Variants in SEPTIN9 observed in about 807,000 individuals in gnomAD.
The protein encoded by SEPTIN9 is septin 9.
SEPTIN9 carries 13 observed loss-of-function variants against 56.6 expected under a neutral mutation model. The ratio of observed to expected loss-of-function variants is 0.23; its 90% confidence interval spans 0.15 to 0.37. The LOEUF is 0.37. SEPTIN9 is among the 10% of genes least tolerant of loss of function. The pLI is 1.00. For synonymous variants in SEPTIN9, 332 were observed against 334.1 expected (o/e 0.99, Z 0.07); for missense variants, 650 against 823.1 (o/e 0.79, Z 2.57).
intron 3 of SEPTIN9, among the ~76,000 whole-genome samples, chr17:77,480,575 G>A (rs1296764165): frequency 6.6e-6 from 1 of 152,222 alleles, no homozygotes; most frequent in Non-Finnish European, 1.5e-5. Flanking sequence ...GGCCGGGAGG[G>A]CTGCCTCCTG....
At chr17:77,460,746 A>G (rs2038434831) in intron 3 of SEPTIN9, among the ~76,000 whole-genome samples, 1 of 152,108 alleles carries the variant, frequency 6.6e-6, no homozygotes. Flanking sequence ...CAGGGTCCTC[A>G]CTGCTGCCGC....
chr17:77,324,322 C>T (rs963751536), intron 2 of SEPTIN9, among the ~76,000 whole-genome samples: 3 of 152,244 alleles, frequency 2.0e-5, no homozygotes, highest in African/African-American at 7.2e-5. Flanking sequence ...GGCCACCTTT[C>T]ATCCCCCTGT....
rs79652993 is a variant in SEPTIN9 at position 77,452,701 on chromosome 17, C to T, written c.722-29443C>T. 7.2e-3 allele frequency among the ~76,000 whole-genome samples: 1,096 copies of T among 152,014 alleles called. 9 individuals are homozygous for T. The highest frequency in any genetic ancestry group is 0.03 in the South Asian group (143 of 4,804). On this transcript the variant is annotated intron_variant, in intron 3 of 11. Coordinates refer to ENST00000427177, the MANE Select transcript of SEPTIN9 (RefSeq NM_001113491.2). ...TGGAAGAGGAGGAAGCAGAAAAAGG[C>T]CCCATTCCCTAATAATGCTGTGGGT...
chr17:77,398,190 G>A (rs2144077313), intron 2 of SEPTIN9, among the ~76,000 whole-genome samples: 1 of 151,680 alleles, frequency 6.6e-6, no homozygotes, highest in South Asian at 2.1e-4. Context: ...GCCCAGGTTT[G>A]TCTTGAACTC....
At chr17:77,480,057 G>T (rs969527138) in intron 3 of SEPTIN9, among the ~76,000 whole-genome samples, 1 of 152,192 alleles carries the variant, frequency 6.6e-6, no homozygotes, top group African/African-American at 2.4e-5. Flanking sequence ...AGGCTTCCAG[G>T]CTGCGTGGCC....
At chr17:77,301,703 G>A (rs568146608) in intron 1 of SEPTIN9, among the ~76,000 whole-genome samples, 41 of 152,270 alleles carry the variant, frequency 2.7e-4, no homozygotes, top group African/African-American at 8.7e-4. Flanking sequence ...CTGAGCCACC[G>A]TGCCCGGCCA....
intron 3 of SEPTIN9, among the ~76,000 whole-genome samples, chr17:77,460,980 CCCAGTCTGT>C (rs2038447536): frequency 6.6e-6 from 1 of 152,096 alleles, no homozygotes; most frequent in Admixed American, 6.5e-5. Flanking sequence ...CTTAGCAGAT[CCCAGTCTGT>C]GTTACCCAGG....
rs554547946 is a variant in SEPTIN9 at position 77,449,209 on chromosome 17, T to A, written c.722-32935T>A. ...AGGCTCTGGGGCTGCTCTACCTGAATGCTGAGTGTGTGCTGAGCGGTAGAG... is the reference window on the plus strand; with the variant it reads ...AGGCTCTGGGGCTGCTCTACCTGAAAGCTGAGTGTGTGCTGAGCGGTAGAG... On this transcript the variant is annotated intron_variant, in intron 3 of 11. Coordinates refer to ENST00000427177, the MANE Select transcript of SEPTIN9 (RefSeq NM_001113491.2). The surrounding 1 kb of genome is among the most constrained non-coding windows in gnomAD (Gnocchi z 4.6). Among the ~76,000 whole-genome samples, 6 of 152,302 alleles carry A rather than the reference T, an allele frequency of 3.9e-5. No homozygotes were observed. In the South Asian group the frequency reaches 1.2e-3, roughly 32 times the overall value.
intron 2 of SEPTIN9, among the ~76,000 whole-genome samples, chr17:77,362,281 A>T (rs2034443026): frequency 6.6e-6 from 1 of 152,190 alleles, no homozygotes; most frequent in Non-Finnish European, 1.5e-5. Context: ...GGGACAAGCC[A>T]CAGAGACTCA....
At chr17:77,349,428 T>G (rs1475956344) in intron 2 of SEPTIN9, among the ~76,000 whole-genome samples, 2 of 152,192 alleles carry the variant, frequency 1.3e-5, no homozygotes, top group South Asian at 4.1e-4. Flanking sequence ...GCTGTCATTC[T>G]TGAACCATAA....
Position 77,331,511 on chromosome 17 carries a change from G to A in SEPTIN9, c.76+24314G>A, listed in dbSNP as rs561477911. ...CCCCGAGATTGCAGAGAGGGGACCCGCCCAGCCTGGGCAGGGAGGCGGGTG... is the reference window on the plus strand; with the variant it reads ...CCCCGAGATTGCAGAGAGGGGACCCACCCAGCCTGGGCAGGGAGGCGGGTG... On this transcript the variant is annotated intron_variant, in intron 2 of 11. Coordinates refer to ENST00000427177, the MANE Select transcript of SEPTIN9 (RefSeq NM_001113491.2). Among the ~76,000 whole-genome samples, 12 of 152,340 alleles carry A rather than the reference G, an allele frequency of 7.9e-5. No homozygotes were observed. The East Asian group carries it at 1.7e-3, about 22-fold the overall frequency.
Position 77,451,302 on chromosome 17 carries a change from C to T in SEPTIN9, c.722-30842C>T, listed in dbSNP as rs554000362. The T allele has an allele frequency of 5.8e-4, 538 of 930,284 alleles. 6 individuals are homozygous for T. In the African/African-American group the frequency reaches 7.8e-3, roughly 13 times the overall value. 57.6% of individuals were successfully genotyped at this position (930,284 alleles called of 1,614,324 possible). A position where few individuals can be genotyped will look rare whatever the true frequency, so the allele number is the denominator to read the frequency against. On this transcript the variant is annotated intron_variant, in intron 3 of 11. Transcript: ENST00000427177. This position sits in a 1 kb window ranked among gnomAD's most constrained non-coding sequence, Gnocchi z 4.2. ...GCTGGGCGCCCCTATCTCTGCCTGCCCCCTCCTCCTGCTCCCCTCGCCCTG... is the reference window on the plus strand; with the variant it reads ...GCTGGGCGCCCCTATCTCTGCCTGCTCCCTCCTCCTGCTCCCCTCGCCCTG...
intron 2 of SEPTIN9, chr17:77,375,310 T>G (rs1272300419): frequency 2.6e-5 from 4 of 152,254 alleles, no homozygotes; most frequent in Non-Finnish European, 5.9e-5. Context: ...AGAGCTCTCC[T>G]CCTGCCTGCG....
chr17:77,477,734 A>C (rs1443364230), intron 3 of SEPTIN9, among the ~76,000 whole-genome samples: 1 of 152,176 alleles, frequency 6.6e-6, no homozygotes, highest in Non-Finnish European at 1.5e-5. Flanking sequence ...TTTGAGCCAG[A>C]AACCAGAGCC....
intron 2 of SEPTIN9, chr17:77,377,061 A>G (rs2034953063): frequency 2.0e-5 from 3 of 152,248 alleles, no homozygotes; most frequent in Admixed American, 2.0e-4. Context: ...CATGGACTCA[A>G]ACTTCCCGCA....
In SEPTIN9 at chr17:77,488,681, G is replaced by T. The variant is rs374853037; in HGVS notation, c.1125-46G>T. On this transcript the variant is annotated intron_variant, in intron 6 of 11. Coordinates refer to ENST00000427177, the MANE Select transcript of SEPTIN9 (RefSeq NM_001113491.2). ...CCTGGGAATGCACGACCTGCTTGGG[G>T]AGGGCATCTCATGTGCCTGCTGACT... The T allele has an allele frequency of 3.1e-6, 5 of 1,611,620 alleles. No individual in the cohort carries two copies. The African/African-American group carries it at 4.0e-5, about 13-fold the overall frequency.
intron 1 of SEPTIN9, among the ~76,000 whole-genome samples, chr17:77,303,463 C>G (rs373426777): frequency 6.6e-6 from 1 of 151,054 alleles, no homozygotes; most frequent in Admixed American, 6.6e-5. Flanking sequence ...GCCTGTAATC[C>G]GAACACTTTG....
At chr17:77,382,781 G>C (rs1384407533) in intron 2 of SEPTIN9, among the ~76,000 whole-genome samples, 1 of 152,164 alleles carries the variant, frequency 6.6e-6, no homozygotes, top group Non-Finnish European at 1.5e-5. Context: ...TCCTTCATTC[G>C]CACCTTTGCA....
rs2040399589 is a variant in SEPTIN9, at chr17:77,499,032, C to T, written c.*374C>T. 1 of 538,860 alleles carries T rather than the reference C, an allele frequency of 1.9e-6. No individual in the cohort carries two copies. The highest frequency in any genetic ancestry group is 3.6e-6 in the Non-Finnish European group (1 of 278,296). 33.4% of individuals were successfully genotyped at this position (538,860 alleles called of 1,614,324 possible). The stretch of plus-strand genomic sequence containing the variant: ...GCCTTGGGGTGGGGGCCAGGCCTCG[C>T]ACTTGCAGAGGAGCCCAGTGGGCTG... On this transcript the variant is annotated 3_prime_UTR_variant, in exon 12 of 12. Transcript: ENST00000427177.
Sources: allele counts gnomAD v4.1 joint callset (sites outside exome capture counted in the v4.1 genomes callset), GRCh38; gene constraint gnomAD v4.1.1; non-coding constraint Gnocchi (gnomAD v3.1); transcripts MANE v1.5; gene names NCBI Gene and HGNC (gene_info 2026-07-23, HGNC 2026-07-21).